The following RB1 variants were observed in gnomAD, a reference collection of about 807,000 sequenced individuals.
The protein encoded by RB1 is retinoblastoma-associated protein.
In RB1, 18 loss-of-function variants were observed where a neutral mutation model predicts 135.4. The observed-to-expected ratio is 0.13, with a 90% confidence interval of 0.09 to 0.20. The LOEUF (loss-of-function observed/expected upper bound fraction) is 0.20, where lower values mean the gene tolerates loss of function less well. Ranked by LOEUF, RB1 falls within the 10% of genes least tolerant of loss-of-function variation. The pLI, the probability that RB1 is intolerant of heterozygous loss-of-function variation, is 1.00. For missense variants in RB1, 868 were observed against 1,110.0 expected, an observed-to-expected ratio of 0.78 and a Z score of 3.10; for synonymous variants, 365 against 373.2, an observed-to-expected ratio of 0.98 and a Z score of 0.25.
At chr13:48,433,577 T>C (rs1305391726) in intron 17 of RB1, among the ~76,000 whole-genome samples, 1 of 152,130 alleles carries the variant, frequency 6.6e-6, no homozygotes, top group East Asian at 1.9e-4. Flanking sequence ...TGTATTTAAA[T>C]GAAACCATTT....
intron 2 of RB1, among the ~76,000 whole-genome samples, chr13:48,313,460 CTT>C (rs1328664177): frequency 2.7e-5 from 4 of 148,838 alleles, no homozygotes; most frequent in Non-Finnish European, 5.9e-5. Flanking sequence ...GTCATGAAGA[CTT>C]ATTCTGTGCT....
chr13:48,362,943 T>G lies in RB1; in HGVS notation c.847T>G (p.Cys283Gly). 6.2e-7 allele frequency: 1 copy of G among 1,613,160 alleles called. No homozygotes were observed. The highest frequency in any genetic ancestry group is 8.5e-7 in the Non-Finnish European group (1 of 1,179,238). ...TGAAGTTCTCTGTAAAGAACATGAA[T>G]GTAATATAGATGAGGTAATTTAACT... ...IIEVLCKEHE[C>G]NIDEVKNVYF... Residue 283 changes from cysteine (C) to glycine (G), a missense_variant, in exon 8 of 27, where the codon TGT (cysteine) becomes GGT (glycine). Transcript: ENST00000267163.
chr13:48,449,134 T>C (rs1251774915), intron 17 of RB1, among the ~76,000 whole-genome samples: 1 of 152,230 alleles, frequency 6.6e-6, no homozygotes, highest in African/African-American at 2.4e-5. Context: ...TTTTTAAATT[T>C]CTTCTCCCTG....
chr13:48,478,684 G>T (rs919425809), intron 26 of RB1, among the ~76,000 whole-genome samples: 115 of 152,218 alleles, frequency 7.6e-4, no homozygotes, highest in African/African-American at 2.7e-3. Flanking sequence ...TGACAAAGCA[G>T]GCAGAATTTT....
chr13:48,318,404 G>A (rs1323530878), intron 2 of RB1: 2 of 1,501,400 alleles, frequency 1.3e-6, no homozygotes, highest in Non-Finnish European at 1.8e-6. Flanking sequence ...TGATGGCCGT[G>A]TCCAGGTCCT....
intron 3 of RB1, among the ~76,000 whole-genome samples, chr13:48,342,944 G>C: frequency 6.6e-6 from 1 of 152,054 alleles, no homozygotes; most frequent in East Asian, 1.9e-4. Flanking sequence ...TTTTCATTGT[G>C]TCTCTCACTA....
rs929113315 is a variant in RB1, at chr13:48,319,153, A to T, written c.264+11747A>T. 8.3e-6 allele frequency: 5 copies of T among 602,154 alleles called. No individual in the cohort carries two copies. The highest frequency in any genetic ancestry group is 1.5e-5 in the Non-Finnish European group (5 of 332,870). The allele number at this position is 602,154 out of a possible 1,614,324, so 37.3% of individuals were successfully genotyped here. A position where few individuals can be genotyped will look rare whatever the true frequency, so the allele number is the denominator to read the frequency against. ...TGGTTTCCTTCGGGAGCTTGTGGGG[A>T]ATGGTCAGCGTCTAGGCACCCCGGG... On this transcript the variant is annotated intron_variant, in intron 2 of 26. Transcript: ENST00000267163. This position sits in a 1 kb window ranked among gnomAD's most constrained non-coding sequence, Gnocchi z 5.0.
intron 17 of RB1, chr13:48,422,649 C>A (rs944839829): frequency 6.6e-6 from 1 of 151,800 alleles, no homozygotes; most frequent in African/African-American, 2.4e-5. Context: ...TTAAAAATTA[C>A]CTGGGTGTGG....
chr13:48,316,723 A>T (rs1295840944), intron 2 of RB1: 18 of 390 alleles, frequency 0.046, no homozygotes, highest in African/African-American at 0.15. Context: ...GAACCATCAC[A>T]CACACACACA....
chr13:48,321,832 G>A (rs966073723), intron 2 of RB1, among the ~76,000 whole-genome samples: 3 of 152,114 alleles, frequency 2.0e-5, no homozygotes, highest in Admixed American at 2.0e-4. Flanking sequence ...CTCCAGCCTG[G>A]ACGACAGGAG....
intron 2 of RB1, among the ~76,000 whole-genome samples, chr13:48,340,278 A>G (rs547035955): frequency 1.6e-4 from 25 of 152,314 alleles, no homozygotes; most frequent in Middle Eastern, 6.8e-3. Context: ...AAAAAAATGA[A>G]TAAATTGAGC....
At chr13:48,358,036 T>C (rs990370062) in intron 6 of RB1, among the ~76,000 whole-genome samples, 4 of 152,142 alleles carry the variant, frequency 2.6e-5, no homozygotes, top group African/African-American at 9.6e-5. Flanking sequence ...GGGTTCTTCC[T>C]GCTGGCTGCA....
Position 48,362,809 on chromosome 13 carries a change from T to C in RB1, c.719-6T>C. 1 of 1,613,180 alleles carries C rather than the reference T, an allele frequency of 6.2e-7. No individual in the cohort carries two copies. Among genetic ancestry groups the C allele is most frequent in the South Asian group, 1.1e-5 (1 of 91,070 alleles). ...ATTGTTCTTATCTAATTTACCACTT[T>C]TACAGAAACAGCTGTTATACCCATT... On this transcript the variant is annotated splice_polypyrimidine_tract_variant and splice_region_variant and intron_variant, in intron 7 of 26. Transcript: ENST00000267163.
intron 17 of RB1, among the ~76,000 whole-genome samples, chr13:48,441,197 A>G (rs1214065463): frequency 1.3e-5 from 2 of 152,200 alleles, no homozygotes; most frequent in African/African-American, 4.8e-5. Context: ...TGGTTCATAG[A>G]TGGCACCTTC....
chr13:48,388,806 A>G (rs1182852574), intron 17 of RB1, among the ~76,000 whole-genome samples: 1 of 152,172 alleles, frequency 6.6e-6, no homozygotes, highest in East Asian at 1.9e-4. Context: ...GCCTGTGCCT[A>G]CAAAAGAGAT....
At chr13:48,429,510 T>C (rs949113727) in intron 17 of RB1, 1 of 152,152 alleles carries the variant, frequency 6.6e-6, no homozygotes, top group Non-Finnish European at 1.5e-5. Context: ...TTTGCATTTT[T>C]CTGTCCTCAC....
At chr13:48,315,549 C>T (rs2138046069) in intron 2 of RB1, among the ~76,000 whole-genome samples, 1 of 152,292 alleles carries the variant, frequency 6.6e-6, no homozygotes, top group East Asian at 1.9e-4. Flanking sequence ...CTAGGACTTC[C>T]AATACCATGT....
chr13:48,397,557 A>G (rs907473233), intron 17 of RB1, among the ~76,000 whole-genome samples: 1 of 152,166 alleles, frequency 6.6e-6, no homozygotes, highest in Admixed American at 6.5e-5. Flanking sequence ...ATGGGTTGAT[A>G]GGTGCAGCAA....
At chr13:48,419,901 G>A (rs149157765) in intron 17 of RB1, among the ~76,000 whole-genome samples, 128 of 152,124 alleles carry the variant, frequency 8.4e-4, no homozygotes, top group Non-Finnish European at 1.3e-3. Context: ...AATTAATAGC[G>A]TACCAACCAA....
Sources: allele counts gnomAD v4.1 joint callset (sites outside exome capture counted in the v4.1 genomes callset), GRCh38; gene constraint gnomAD v4.1.1; non-coding constraint Gnocchi (gnomAD v3.1); transcripts MANE v1.5; gene names NCBI Gene and HGNC (gene_info 2026-07-23, HGNC 2026-07-21).